The following RASA3 variants were observed in gnomAD, a reference collection of about 807,000 sequenced individuals.
The protein encoded by RASA3 is ras GTPase-activating protein 3.
Under a neutral mutation model 110.0 loss-of-function variants are expected in RASA3, and 73 were observed. That is an observed-to-expected ratio of 0.66 (90% confidence interval 0.55 to 0.81). RASA3 has a LOEUF of 0.81. Among genes scored for constraint, RASA3 ranks in the 30% least tolerant of loss-of-function variants. The probability of loss-of-function intolerance (pLI) is 0.00; values close to 1 mark genes in which losing one functional copy is unlikely to be tolerated. For missense variants in RASA3, 976 were observed against 1,113.2 expected, an observed-to-expected ratio of 0.88 and a Z score of 1.75; for synonymous variants, 500 against 451.4, an observed-to-expected ratio of 1.11 and a Z score of -1.37.
intron 1 of RASA3, among the ~76,000 whole-genome samples, chr13:114,128,826 C>G (rs980233810): frequency 1.3e-5 from 2 of 152,204 alleles, no homozygotes; most frequent in Admixed American, 6.5e-5. Context: ...ACGGCAGGCC[C>G]GGCCTCCCAC....
intron 7 of RASA3, 152 bp from the exon 8 acceptor site, chr13:114,024,507 T>G: frequency 1.4e-6 from 1 of 732,286 alleles, no homozygotes; most frequent in Non-Finnish European, 2.3e-6. Context: ...GATTCGGGAT[T>G]CAGGCCTGGC....
chr13:114,024,227 G>C (rs1594341797), intron 8 of RASA3, 52 bp downstream of exon 8: 1 of 1,492,996 alleles, frequency 6.7e-7, no homozygotes. Flanking sequence ...AAAGAGCTGA[G>C]GAGTTTGGGT....
chr13:113,999,296 C>T (rs1475939705), intron 20 of RASA3, among the ~76,000 whole-genome samples: 1 of 152,220 alleles, frequency 6.6e-6, no homozygotes, highest in Admixed American at 6.5e-5. Context: ...GGCCCCTTGA[C>T]ATTGGGGACC....
At chr13:114,053,308 A>C (rs575040482) in intron 2 of RASA3, among the ~76,000 whole-genome samples, 7 of 152,326 alleles carry the variant, frequency 4.6e-5, no homozygotes, top group African/African-American at 1.2e-4. Flanking sequence ...CCCAATAAAG[A>C]AGCAGAAGCC....
At chr13:114,030,375 GGGCAAGACTCACACAGGA>G (rs759925601) in intron 4 of RASA3, among the ~76,000 whole-genome samples, 16,391 of 146,882 alleles carry the variant, frequency 0.11, 1,321 homozygotes, top group Non-Finnish European at 0.17. Flanking sequence ...CTCACACAGA[GGGCAAGACTCACACAGGA>G]GGCAAGACTC....
At chr13:114,021,360 G>A in intron 9 of RASA3, 44 bp downstream of exon 9, 1 of 1,562,886 alleles carries the variant, frequency 6.4e-7, no homozygotes, top group South Asian at 1.1e-5. Flanking sequence ...GTGTTTTTGT[G>A]GCTCTCAGAG....
intron 1 of RASA3, among the ~76,000 whole-genome samples, chr13:114,121,584 G>A (rs150201369): frequency 0.043 from 6,593 of 152,214 alleles, 184 homozygotes; most frequent in Middle Eastern, 0.068. Flanking sequence ...GGAGACCTCC[G>A]AGGAACATAA....
chr13:114,059,067 G>C (rs766928930), intron 2 of RASA3, among the ~76,000 whole-genome samples: 2 of 152,144 alleles, frequency 1.3e-5, no homozygotes, highest in Non-Finnish European at 2.9e-5. Flanking sequence ...GTTTGGTGGC[G>C]CACGTCTGCA....
intron 2 of RASA3, among the ~76,000 whole-genome samples, chr13:114,058,138 G>A (rs1006514867): frequency 1.4e-4 from 22 of 152,204 alleles, no homozygotes; most frequent in Non-Finnish European, 2.4e-4. Context: ...GGCGAGGACC[G>A]GGATCATCAG....
chr13:114,016,183 T>C lies in RASA3; in HGVS notation c.1281+14A>G, dbSNP rs376631842. ...CAGGTGACTGGCTTTGGTTGGTTCATGAACAAAACCTACCATGTTGTTTTC... is the reference window on the plus strand; with the variant it reads ...CAGGTGACTGGCTTTGGTTGGTTCACGAACAAAACCTACCATGTTGTTTTC... On this transcript the variant is annotated intron_variant, in intron 13 of 23. Transcript: ENST00000334062. 2.5e-5 allele frequency: 39 copies of C among 1,564,882 alleles called. No homozygotes were observed. Among genetic ancestry groups the C allele is most frequent in the Non-Finnish European group, 3.3e-5 (38 of 1,135,672 alleles).
rs117867937 is a variant in RASA3 at position 114,023,626 on chromosome 13, G to A, written c.680+653C>T. Among the ~76,000 whole-genome samples, 877 of 152,346 alleles carry A rather than the reference G, an allele frequency of 5.8e-3. 24 individuals carry two copies. The highest frequency in any genetic ancestry group is 0.057 in the East Asian group (298 of 5,188). On this transcript the variant is annotated intron_variant, in intron 8 of 23. Coordinates refer to ENST00000334062, the MANE Select transcript of RASA3 (RefSeq NM_007368.4). ...GCCCTCCCCAGAACTCTGAGTCAGC[G>A]GGATCGTGGGGCTCTCTAAATCCTG...
intron 1 of RASA3, among the ~76,000 whole-genome samples, chr13:114,121,500 G>A (rs558748718): frequency 1.2e-4 from 18 of 152,274 alleles, no homozygotes; most frequent in East Asian, 5.8e-4. Context: ...ACATCAAGCC[G>A]TGCAACCCTG....
At position 114,014,035 on chromosome 13, in the gene RASA3, T is replaced by A. The variant is rs1161552719; in HGVS notation, c.1406-787A>T. On this transcript the variant is annotated intron_variant, in intron 14 of 23. Transcript: ENST00000334062. This position sits in a 1 kb window ranked among gnomAD's most constrained non-coding sequence, Gnocchi z 4.5. ...GTCTCTCTCCATCTCTCTCTCTCCG[T>A]CTCTATCTCTCTCTCCGTCTGTCTC... 8.5e-6 allele frequency among the ~76,000 whole-genome samples: 1 copy of A among 117,994 alleles called. No homozygotes were observed. The highest frequency in any genetic ancestry group is 2.0e-5 in the Non-Finnish European group (1 of 50,262). The allele number at this position is 117,994 out of a possible 152,430, so 77.4% of individuals were successfully genotyped here.
chr13:114,030,037 C>T (rs559740680), intron 4 of RASA3, 150 bp from the exon 5 acceptor site: 49 of 688,062 alleles, frequency 7.1e-5, no homozygotes, highest in African/African-American at 5.3e-4. Flanking sequence ...CTCCACTCCA[C>T]CCCCGGGACG....
At chr13:114,094,096 A>G (rs2079917095) in intron 1 of RASA3, among the ~76,000 whole-genome samples, 1 of 152,224 alleles carries the variant, frequency 6.6e-6, no homozygotes, top group Admixed American at 6.5e-5. Context: ...CATTTGCCTG[A>G]ATGTTCTTGG....
intron 1 of RASA3, among the ~76,000 whole-genome samples, chr13:114,097,079 TTCCCCTTCC>T (rs1306910140): frequency 1.3e-5 from 2 of 152,166 alleles, no homozygotes; most frequent in Non-Finnish European, 1.5e-5. Context: ...GCTGTGGCAC[TTCCCCTTCC>T]ACCAGGCACA....
chr13:114,088,937 G>T (rs909450207), intron 1 of RASA3, among the ~76,000 whole-genome samples: 1 of 152,130 alleles, frequency 6.6e-6, no homozygotes, highest in East Asian at 1.9e-4. Flanking sequence ...AAGTAGAGAC[G>T]ATCCGTAAGA....
chr13:114,106,053 C>T (rs565342378), intron 1 of RASA3, among the ~76,000 whole-genome samples: 8 of 152,254 alleles, frequency 5.3e-5, no homozygotes, highest in Admixed American at 3.9e-4. Flanking sequence ...AGAGGATGAC[C>T]GGGTGTTGGG....
chr13:114,132,410 C>T, intron 1 of RASA3, 25 bp downstream of exon 1: 1 of 1,506,548 alleles, frequency 6.6e-7, no homozygotes, highest in Non-Finnish European at 8.8e-7. Context: ...GGGGGTCGGA[C>T]GCGTGGCTGC....
Sources: gnomAD v4.1 joint callset for allele counts (sites outside exome capture counted in the v4.1 genomes callset) on GRCh38, gnomAD v4.1.1 for gene constraint, Gnocchi (gnomAD v3.1) non-coding constraint, MANE v1.5 for transcripts, NCBI Gene and HGNC (gene_info 2026-07-23, HGNC 2026-07-21) for gene names.